The following LAMA1 variants were observed in gnomAD, a reference collection of about 807,000 sequenced individuals.
LAMA1 encodes the protein laminin subunit alpha 1.
LAMA1 carries 219 observed loss-of-function variants against 348.7 expected under a neutral mutation model. The ratio of observed to expected loss-of-function variants is 0.63; its 90% CI spans 0.56 to 0.70. The LOEUF (loss-of-function observed/expected upper bound fraction) is 0.70. Among genes scored for constraint, LAMA1 ranks in the 30% least tolerant of loss-of-function variants. The probability of loss-of-function intolerance (pLI) is 0.00; values close to 1 mark genes in which losing one functional copy is unlikely to be tolerated. For missense variants in LAMA1, 3,744 were observed against 3,888.0 expected, an observed-to-expected ratio of 0.96 and a Z score of 0.99; for synonymous variants, 1,487 against 1,491.0, an observed-to-expected ratio of 1.00 and a Z score of 0.06.
chr18:7,103,524 A>T (rs2058299744), intron 1 of LAMA1, among the ~76,000 whole-genome samples: 1 of 151,080 alleles, frequency 6.6e-6, no homozygotes, highest in Admixed American at 6.6e-5. Flanking sequence ...ATCCTGCCTG[A>T]GGCCTGGTGT....
At chr18:7,082,959 T>C (rs571714158) in intron 1 of LAMA1, among the ~76,000 whole-genome samples, 6 of 142,696 alleles carry the variant, frequency 4.2e-5, no homozygotes, top group South Asian at 2.1e-4. Context: ...TCTGAGTAAC[T>C]GCAGGGTCTT....
intron 54 of LAMA1, 76 bp from the exon 55 acceptor site, chr18:6,958,738 C>T (rs1241418976): frequency 1.6e-6 from 2 of 1,260,476 alleles, no homozygotes; most frequent in Non-Finnish European, 2.3e-6. Context: ...GTCCATAATT[C>T]CCACAAGTTC....
chr18:7,109,310 C>T (rs1188174156), intron 1 of LAMA1, among the ~76,000 whole-genome samples: 1 of 152,158 alleles, frequency 6.6e-6, no homozygotes, highest in Non-Finnish European at 1.5e-5. Context: ...TGCTAGAACC[C>T]CCCTGGGGTT....
chr18:6,998,251 AG>A (rs1390381048), intron 32 of LAMA1, among the ~76,000 whole-genome samples: 1 of 152,174 alleles, frequency 6.6e-6, no homozygotes, highest in Non-Finnish European at 1.5e-5. Context: ...GAAAAACAGC[AG>A]GGGGAAGAGG....
intron 59 of LAMA1, 54 bp downstream of exon 59, chr18:6,949,047 A>C (rs2057534532): frequency 1.2e-6 from 2 of 1,609,514 alleles, no homozygotes; most frequent in African/African-American, 1.3e-5. Flanking sequence ...CTCTTCTACA[A>C]AATAAACACG....
intron 1 of LAMA1, among the ~76,000 whole-genome samples, chr18:7,083,288 C>A (rs940355766): frequency 6.6e-6 from 1 of 150,860 alleles, no homozygotes; most frequent in Non-Finnish European, 1.5e-5. Context: ...CGGGTTCAAG[C>A]GATTCTCCTG....
At chr18:7,010,832 G>T (rs1486917282) in intron 25 of LAMA1, among the ~76,000 whole-genome samples, 2 of 152,076 alleles carry the variant, frequency 1.3e-5, no homozygotes, top group African/African-American at 2.4e-5. Context: ...ATAATTTCTT[G>T]AAAAGGGACT....
intron 3 of LAMA1, among the ~76,000 whole-genome samples, chr18:7,070,031 T>C (rs960733281): frequency 6.6e-6 from 1 of 152,178 alleles, no homozygotes; most frequent in African/African-American, 2.4e-5. Flanking sequence ...TAAAACGAGA[T>C]AATGAAAATG....
intron 3 of LAMA1, among the ~76,000 whole-genome samples, chr18:7,053,566 A>T (rs1339543733): frequency 1.3e-5 from 2 of 152,282 alleles, no homozygotes; most frequent in African/African-American, 2.4e-5. Context: ...GGGAAAAAAA[A>T]ATGAATGTAG....
At position 7,015,771 on chromosome 18, in the gene LAMA1, T is replaced by C; in HGVS notation, c.3077A>G (p.Glu1026Gly). ...GCCCCAGTGCCCATCCTCACATTCT[T>C]CACACTTCACACCCTGTGTGTGAGG... ...CPPHTQGVKC[E>G]ECEDGHWGYD... Residue 1026 changes from glutamate (E) to glycine (G), a missense_variant, in exon 22 of 63, where the codon GAA (glutamate) becomes GGA (glycine). Glu to Gly is a moderately conservative substitution (Grantham distance 98). Transcript: ENST00000389658. The C allele has an allele frequency of 6.2e-7, 1 of 1,614,062 alleles. No individual in the cohort carries two copies. The highest frequency in any genetic ancestry group is 8.5e-7 in the Non-Finnish European group (1 of 1,180,006).
chr18:7,018,336 CAAAAA>C (rs764975447), intron 19 of LAMA1, among the ~76,000 whole-genome samples: 5 of 44,200 alleles, frequency 1.1e-4, no homozygotes, highest in African/African-American at 5.0e-4. Context: ...AACTCCATCT[CAAAAA>C]AAAAAAAAAA....
At chr18:6,964,434 T>C (rs2057623097) in intron 51 of LAMA1, among the ~76,000 whole-genome samples, 1 of 152,146 alleles carries the variant, frequency 6.6e-6, no homozygotes, top group South Asian at 2.1e-4. Context: ...GGCCAAGGAA[T>C]CCCTGAGGCG....
chr18:7,018,457 G>A (rs1429056609), intron 19 of LAMA1, among the ~76,000 whole-genome samples: 4 of 146,894 alleles, frequency 2.7e-5, no homozygotes, highest in Non-Finnish European at 6.0e-5. Context: ...GTGCAGTGGC[G>A]TGATCTCAGC....
At chr18:6,994,534 C>A (rs1334925769) in intron 34 of LAMA1, among the ~76,000 whole-genome samples, 1 of 152,012 alleles carries the variant, frequency 6.6e-6, no homozygotes, top group Non-Finnish European at 1.5e-5. Context: ...AAACTTAAAC[C>A]CTTCAACTCT....
chr18:7,107,963 A>C (rs190784834), intron 1 of LAMA1, among the ~76,000 whole-genome samples: 77 of 151,462 alleles, frequency 5.1e-4, no homozygotes, highest in African/African-American at 1.8e-3. Flanking sequence ...GCAGTGAGCC[A>C]AGATCGCGCC....
intron 62 of LAMA1, among the ~76,000 whole-genome samples, chr18:6,942,466 T>G (rs1008585398): frequency 6.6e-6 from 1 of 151,676 alleles, no homozygotes; most frequent in Non-Finnish European, 1.5e-5. Context: ...TAGGCTGGAG[T>G]GCAGTGGCGC....
intron 27 of LAMA1, 90 bp from the exon 28 acceptor site, chr18:7,008,698 G>A: frequency 2.7e-6 from 4 of 1,471,096 alleles, no homozygotes; most frequent in Admixed American, 1.7e-5. Context: ...GCATATATAT[G>A]AAACCAGAGC....
chr18:7,093,656 T>G (rs1008368290), intron 1 of LAMA1, among the ~76,000 whole-genome samples: 1 of 152,078 alleles, frequency 6.6e-6, no homozygotes, highest in Non-Finnish European at 1.5e-5. Flanking sequence ...TAAGGTTGAT[T>G]AATAATACCA....
At chr18:7,054,061 A>G (rs60967408) in intron 3 of LAMA1, among the ~76,000 whole-genome samples, 48,196 of 152,000 alleles carry the variant, frequency 0.32, 10,966 homozygotes, top group African/African-American at 0.65. Context: ...TTGAGCCACC[A>G]TGCCTGGCCA....
Sources: allele counts gnomAD v4.1 joint callset (sites outside exome capture counted in the v4.1 genomes callset), GRCh38; gene constraint gnomAD v4.1.1; transcripts MANE v1.5; gene names NCBI Gene and HGNC (gene_info 2026-07-23, HGNC 2026-07-21).